RAP1GDS1: variants seen among roughly 807,000 people sequenced by gnomAD.
RAP1GDS1 encodes Rap1 GTPase-GDP dissociation stimulator 1, also known as RAP1, GTP-GDP dissociation stimulator 1.
Under a neutral mutation model 71.1 loss-of-function variants are expected in RAP1GDS1, and 35 were observed. That is an observed-to-expected ratio of 0.49 (90% CI 0.38 to 0.65). RAP1GDS1 has a LOEUF of 0.65. RAP1GDS1 is among the 30% of genes least tolerant of loss of function. The pLI, the probability that RAP1GDS1 is intolerant of heterozygous loss-of-function variation, is 0.00. For synonymous variants in RAP1GDS1, 229 were observed against 243.1 expected (o/e 0.94, Z 0.54); for missense variants, 663 against 706.1 (o/e 0.94, Z 0.69).
intron 6 of RAP1GDS1, among the ~76,000 whole-genome samples, chr4:98,393,612 A>C (rs1411098112): frequency 3.9e-5 from 6 of 152,196 alleles, no homozygotes; most frequent in Non-Finnish European, 7.4e-5. Context: ...TTTTATGAAA[A>C]TCAAAGAGTG....
At chr4:98,380,773 C>T (rs944454460) in intron 5 of RAP1GDS1, among the ~76,000 whole-genome samples, 10 of 151,630 alleles carry the variant, frequency 6.6e-5, no homozygotes, top group African/African-American at 2.4e-4. Flanking sequence ...GTAGGAAGAA[C>T]ACTAAATGGG....
chr4:98,424,224 A>G lies in RAP1GDS1; in HGVS notation c.1440+2830A>G, dbSNP rs147036271. 2.8e-3 allele frequency among the ~76,000 whole-genome samples: 420 copies of G among 152,116 alleles called. 4 individuals are homozygous for G. Among genetic ancestry groups the G allele is most frequent in the African/African-American group, 9.7e-3 (401 of 41,530 alleles). ...CAGCTAACACTCCCTAAACTTGCCC[A>G]CTCGCCCATGCTCTTTGGAGTCATT... On this transcript the variant is annotated intron_variant, in intron 12 of 14. Transcript: ENST00000408927.
chr4:98,349,961 A>G (rs981716482), intron 3 of RAP1GDS1, among the ~76,000 whole-genome samples: 1 of 152,182 alleles, frequency 6.6e-6, no homozygotes, highest in Non-Finnish European at 1.5e-5. Flanking sequence ...TTTAGAAGAA[A>G]TTCTTTTTTA....
chr4:98,343,397 C>A, intron 3 of RAP1GDS1, 136 bp downstream of exon 3: 1 of 1,127,214 alleles, frequency 8.9e-7, no homozygotes, highest in Non-Finnish European at 1.3e-6. Context: ...TTGTTTGACT[C>A]TTCATGTAAT....
chr4:98,410,390 TG>T (rs1746868099), intron 7 of RAP1GDS1, among the ~76,000 whole-genome samples: 1 of 152,066 alleles, frequency 6.6e-6, no homozygotes, highest in South Asian at 2.1e-4. Context: ...ATACACCCAC[TG>T]GAAAGTCTCA....
At chr4:98,322,969 C>T (rs1265752864) in intron 2 of RAP1GDS1, among the ~76,000 whole-genome samples, 1 of 147,416 alleles carries the variant, frequency 6.8e-6, no homozygotes, top group Non-Finnish European at 1.5e-5. Flanking sequence ...TTCAAAAAGT[C>T]AATGAATCCA....
chr4:98,400,351 T>C lies in RAP1GDS1; in HGVS notation c.638-4126T>C, dbSNP rs374840439. ...AGGTAAAATGTGATGTATATGTATATACACACACACACACAATGGAATACT... is the reference window on the plus strand; with the variant it reads ...AGGTAAAATGTGATGTATATGTATACACACACACACACACAATGGAATACT... On this transcript the variant is annotated intron_variant, in intron 6 of 14. Transcript: ENST00000408927. Among the ~76,000 whole-genome samples, 301 of 151,064 alleles carry C rather than the reference T, an allele frequency of 2.0e-3. 6 individuals are homozygous for C. Among genetic ancestry groups the C allele is most frequent in the Admixed American group, 0.013 (192 of 15,136 alleles).
intron 7 of RAP1GDS1, among the ~76,000 whole-genome samples, chr4:98,414,369 A>T (rs1245515073): frequency 7.7e-6 from 1 of 130,478 alleles, no homozygotes; most frequent in African/African-American, 3.6e-5. Context: ...TAAATCTTTA[A>T]TCCATCTTGA....
At position 98,433,863 on chromosome 4, in the gene RAP1GDS1, G is replaced by A. The variant is rs917076597; in HGVS notation, c.1441-73G>A. ...CTGTCGCAAAACCACTCAACAATGA[G>A]TTGACTGATTTTAATGCATGTTCCT... On this transcript the variant is annotated intron_variant, in intron 12 of 14. Coordinates refer to ENST00000408927, the MANE Select transcript of RAP1GDS1 (RefSeq NM_001100427.2). 172 of 1,434,548 alleles carry A rather than the reference G, an allele frequency of 1.2e-4. 1 individual carries two copies. The highest frequency in any genetic ancestry group is 2.3e-4 in the Admixed American group (13 of 55,344). 88.9% of individuals were successfully genotyped at this position (1,434,548 alleles called of 1,614,324 possible).
At chr4:98,344,116 C>T (rs372072177) in intron 3 of RAP1GDS1, among the ~76,000 whole-genome samples, 1 of 152,044 alleles carries the variant, frequency 6.6e-6, no homozygotes, top group Non-Finnish European at 1.5e-5. Flanking sequence ...AGATGTGTTG[C>T]CAAAAAGAAA....
At chr4:98,389,140 TG>T (rs1202406968) in intron 5 of RAP1GDS1, among the ~76,000 whole-genome samples, 1 of 152,202 alleles carries the variant, frequency 6.6e-6, no homozygotes, top group Non-Finnish European at 1.5e-5. Flanking sequence ...GTCAACACAG[TG>T]GCAAGAGCAA....
chr4:98,371,540 G>A (rs1192138660), intron 4 of RAP1GDS1, among the ~76,000 whole-genome samples: 2 of 151,846 alleles, frequency 1.3e-5, no homozygotes, highest in Admixed American at 6.6e-5. Flanking sequence ...GCAGTGGTGC[G>A]ATCTTGGCTC....
At chr4:98,425,627 CAG>C (rs930545610) in intron 12 of RAP1GDS1, among the ~76,000 whole-genome samples, 1 of 152,028 alleles carries the variant, frequency 6.6e-6, no homozygotes, top group African/African-American at 2.4e-5. Context: ...TTCAAAAAGA[CAG>C]AGGGACATTA....
At chr4:98,410,377 A>C (rs1220042175) in intron 7 of RAP1GDS1, among the ~76,000 whole-genome samples, 1 of 152,120 alleles carries the variant, frequency 6.6e-6, no homozygotes, top group Non-Finnish European at 1.5e-5. Flanking sequence ...ATAAAATACC[A>C]CTATACACCC....
At chr4:98,391,733 A>C (rs1743705915) in intron 5 of RAP1GDS1, among the ~76,000 whole-genome samples, 1 of 152,136 alleles carries the variant, frequency 6.6e-6, no homozygotes. Context: ...TTTATTTCTA[A>C]ATGCCTTTTG....
intron 14 of RAP1GDS1, 117 bp from the exon 15 acceptor site, chr4:98,441,873 C>T: frequency 8.7e-7 from 1 of 1,152,894 alleles, no homozygotes; most frequent in Non-Finnish European, 1.2e-6. Context: ...TGTCTTTTTC[C>T]AGAATTGTTT....
chr4:98,365,196 T>G (rs1739296418), intron 4 of RAP1GDS1, among the ~76,000 whole-genome samples: 1 of 152,124 alleles, frequency 6.6e-6, no homozygotes, highest in African/African-American at 2.4e-5. Context: ...GAAACCCAAT[T>G]AAAAATTTGA....
intron 10 of RAP1GDS1, among the ~76,000 whole-genome samples, chr4:98,419,024 G>A (rs1748424566): frequency 6.6e-6 from 1 of 152,114 alleles, no homozygotes. Flanking sequence ...GTTACCTTTT[G>A]CGAACTGTTA....
At chr4:98,410,113 A>G (rs958188313) in intron 7 of RAP1GDS1, among the ~76,000 whole-genome samples, 3 of 152,162 alleles carry the variant, frequency 2.0e-5, no homozygotes, top group Non-Finnish European at 4.4e-5. Context: ...TACCAAAAAC[A>G]AATAAATAAA....
Sources: gnomAD v4.1 joint callset for allele counts (sites outside exome capture counted in the v4.1 genomes callset) on GRCh38, gnomAD v4.1.1 for gene constraint, MANE v1.5 for transcripts, NCBI Gene and HGNC (gene_info 2026-07-23, HGNC 2026-07-21) for gene names.